ANKH: variants seen among roughly 807,000 people sequenced by gnomAD.
ANKH encodes the protein ANKH inorganic pyrophosphate transport regulator.
In ANKH, 15 loss-of-function variants were observed where a neutral mutation model predicts 49.0. The observed-to-expected ratio is 0.31, with a 90% CI of 0.20 to 0.47. The LOEUF (loss-of-function observed/expected upper bound fraction) is 0.47. Ranked by LOEUF, ANKH falls within the 20% of genes least tolerant of loss-of-function variation. ANKH has a pLI of 1.00. For synonymous variants in ANKH, 273 were observed against 260.0 expected, an observed-to-expected ratio of 1.05 and a Z score of -0.48; for missense variants, 429 against 652.0, an observed-to-expected ratio of 0.66 and a Z score of 3.72.
intron 6 of ANKH, among the ~76,000 whole-genome samples, chr5:14,747,634 A>G (rs1467540744): frequency 6.6e-6 from 1 of 152,220 alleles, no homozygotes; most frequent in Non-Finnish European, 1.5e-5. Context: ...AAAACAAAGC[A>G]TCTAAACCTA....
intron 1 of ANKH, among the ~76,000 whole-genome samples, chr5:14,860,649 A>C (rs1227536134): frequency 6.6e-6 from 1 of 152,238 alleles, no homozygotes; most frequent in Non-Finnish European, 1.5e-5. Context: ...ATCACCTTAA[A>C]AACAGTTTTG....
intron 1 of ANKH, among the ~76,000 whole-genome samples, chr5:14,816,950 C>A (rs1348934912): frequency 6.6e-6 from 1 of 152,124 alleles, no homozygotes; most frequent in Non-Finnish European, 1.5e-5. Context: ...AGATGGATTG[C>A]CGTGAGTTGC....
chr5:14,736,038 T>TTC (rs1423251072), intron 8 of ANKH, among the ~76,000 whole-genome samples: 1 of 131,260 alleles, frequency 7.6e-6, no homozygotes, highest in East Asian at 2.3e-4. Context: ...TTTTTTTTTT[T>TTC]AAAGAATCAG....
intron 1 of ANKH, among the ~76,000 whole-genome samples, chr5:14,848,789 G>C (rs1166412933): frequency 2.0e-5 from 3 of 152,204 alleles, no homozygotes; most frequent in Non-Finnish European, 4.4e-5. Flanking sequence ...ATGGCCCAAG[G>C]TTCCGTTCCT....
Position 14,717,019 on chromosome 5 carries a change from C to A in ANKH, c.1012-184G>T, listed in dbSNP as rs924133867. ...TGACTCTCTTCTGACCACAGAGGCC[C>A]TGGTCCATTAGCCATGTCTGTACCC... On this transcript the variant is annotated intron_variant, in intron 8 of 11. Coordinates refer to ENST00000284268, the MANE Select transcript of ANKH (RefSeq NM_054027.6). 3.5e-5 allele frequency: 24 copies of A among 689,336 alleles called. 1 individual carries two copies. Among genetic ancestry groups the A allele is most frequent in the South Asian group, 1.1e-4 (7 of 61,764 alleles). The allele number at this position is 689,336 out of a possible 1,614,324, so 42.7% of individuals were successfully genotyped here. A position where few individuals can be genotyped will look rare whatever the true frequency, so the allele number is the denominator to read the frequency against.
At chr5:14,780,823 A>G (rs182975405) in intron 1 of ANKH, among the ~76,000 whole-genome samples, 2 of 152,342 alleles carry the variant, frequency 1.3e-5, no homozygotes, top group Admixed American at 6.5e-5. Context: ...TCCTTTTGAT[A>G]AAAGACAACT....
rs1371941394 is a variant in ANKH at position 14,745,018 on chromosome 5, G to A, written c.915+852C>T. On this transcript the variant is annotated intron_variant, in intron 7 of 11. Transcript: ENST00000284268. This position sits in a 1 kb window ranked among gnomAD's most constrained non-coding sequence, Gnocchi z 4.7. ...GAGCGCTGTGGACACCCCTGGCCAG[G>A]AGGCTTCCTCTCCTCACTTCACAGG... 1.3e-5 allele frequency among the ~76,000 whole-genome samples: 2 copies of A among 152,210 alleles called. No homozygotes were observed. Among genetic ancestry groups the A allele is most frequent in the East Asian group, 3.9e-4 (2 of 5,192 alleles).
chr5:14,798,496 T>TG (rs1561060839), intron 1 of ANKH: 1 of 944,454 alleles, frequency 1.1e-6, no homozygotes, highest in Non-Finnish European at 1.5e-6. Context: ...TCTCTATTTT[T>TG]TTTTTTAATT....
rs36072175 is a variant in ANKH, at chr5:14,710,914, G to A, written c.*283C>T. On this transcript the variant is annotated 3_prime_UTR_variant, in exon 12 of 12. Coordinates refer to ENST00000284268, the MANE Select transcript of ANKH (RefSeq NM_054027.6). Reference sequence around the variant, plus strand: ...AGGGGAGGAGGACACAACGTCAACCGTGAGGCAGCTGTGTCTTTTGGGTTT... The same window carrying A: ...AGGGGAGGAGGACACAACGTCAACCATGAGGCAGCTGTGTCTTTTGGGTTT... 6,547 of 419,362 alleles carry A rather than the reference G, an allele frequency of 0.016. 60 individuals carry two copies. Among genetic ancestry groups the A allele is most frequent in the Non-Finnish European group, 0.02 (4,388 of 223,372 alleles). 26.0% of individuals were successfully genotyped at this position (419,362 alleles called of 1,614,324 possible). A position where few individuals can be genotyped will look rare whatever the true frequency, so the allele number is the denominator to read the frequency against.
intron 8 of ANKH, among the ~76,000 whole-genome samples, chr5:14,723,086 C>T (rs1348229376): frequency 6.6e-6 from 1 of 152,064 alleles, no homozygotes; most frequent in African/African-American, 2.4e-5. Flanking sequence ...AAGTCTAAAA[C>T]TCTCAGAGAC....
chr5:14,752,666 G>T (rs1052542920), intron 4 of ANKH, among the ~76,000 whole-genome samples: 1 of 152,134 alleles, frequency 6.6e-6, no homozygotes, highest in Non-Finnish European at 1.5e-5. Context: ...GGAAAAACAA[G>T]CTGAAACATG....
intron 1 of ANKH, among the ~76,000 whole-genome samples, chr5:14,844,915 G>A (rs954853324): frequency 1.3e-5 from 2 of 152,072 alleles, no homozygotes; most frequent in African/African-American, 2.4e-5. Flanking sequence ...GAGCCATAGG[G>A]TTGGTATCAA....
chr5:14,718,362 A>T (rs1737549374), intron 8 of ANKH, among the ~76,000 whole-genome samples: 1 of 152,132 alleles, frequency 6.6e-6, no homozygotes, highest in Admixed American at 6.5e-5. Context: ...CAATGTGAGG[A>T]GGTCAAAACT....
At chr5:14,862,400 T>C (rs1350176617) in intron 1 of ANKH, among the ~76,000 whole-genome samples, 3 of 152,216 alleles carry the variant, frequency 2.0e-5, no homozygotes, top group Admixed American at 2.0e-4. Context: ...TGGTATTTGG[T>C]TGTTGGAACA....
At chr5:14,717,518 T>G (rs1737515846) in intron 8 of ANKH, among the ~76,000 whole-genome samples, 1 of 152,194 alleles carries the variant, frequency 6.6e-6, no homozygotes, top group South Asian at 2.1e-4. Flanking sequence ...GCGGCACAGG[T>G]CCTTCCAGAG....
At chr5:14,718,968 G>A (rs920361296) in intron 8 of ANKH, among the ~76,000 whole-genome samples, 8 of 152,070 alleles carry the variant, frequency 5.3e-5, no homozygotes, top group African/African-American at 1.7e-4. Flanking sequence ...AAGCACAGGA[G>A]AAGAGAGTTA....
chr5:14,807,329 G>A (rs1356840163), intron 1 of ANKH, among the ~76,000 whole-genome samples: 1 of 152,008 alleles, frequency 6.6e-6, no homozygotes, highest in East Asian at 1.9e-4. Context: ...TGGCCAGGCT[G>A]GTCTTGAACT....
intron 1 of ANKH, chr5:14,797,694 T>C (rs1289539959): frequency 6.3e-6 from 10 of 1,599,596 alleles, no homozygotes; most frequent in African/African-American, 1.3e-5. Context: ...ACAGAGTAGA[T>C]GCCAGGAAAC....
intron 3 of ANKH, among the ~76,000 whole-genome samples, chr5:14,757,303 G>T (rs778193568): frequency 6.6e-6 from 1 of 151,728 alleles, no homozygotes; most frequent in Non-Finnish European, 1.5e-5. Flanking sequence ...TGAGGTGGGG[G>T]TGGTAAAAAA....
Sources: gnomAD v4.1 joint callset for allele counts (sites outside exome capture counted in the v4.1 genomes callset) on GRCh38, gnomAD v4.1.1 for gene constraint, Gnocchi (gnomAD v3.1) non-coding constraint, MANE v1.5 for transcripts, NCBI Gene and HGNC (gene_info 2026-07-23, HGNC 2026-07-21) for gene names.